The following TMEM74 variants were observed in gnomAD, a reference collection of about 807,000 sequenced individuals.
TMEM74 encodes transmembrane protein 74.
In TMEM74, 13 loss-of-function variants were observed where a neutral mutation model predicts 18.1. The ratio of observed to expected loss-of-function variants is 0.72; its 90% confidence interval spans 0.47 to 1.14. TMEM74 has a LOEUF of 1.14. Ranked by LOEUF, TMEM74 falls within the 50% of genes most tolerant of loss-of-function variation. The probability of loss-of-function intolerance (pLI) is 0.00; values close to 1 mark genes in which losing one functional copy is unlikely to be tolerated. For missense variants in TMEM74, 372 were observed against 375.9 expected (o/e 0.99, Z 0.09); for synonymous variants, 159 against 146.6 (o/e 1.08, Z -0.61).
intron 1 of TMEM74, among the ~76,000 whole-genome samples, chr8:108,671,764 G>T (rs1330299937): frequency 6.6e-6 from 1 of 151,908 alleles, no homozygotes; most frequent in Admixed American, 6.6e-5. Flanking sequence ...AACAAACTAT[G>T]ATTGAAAAAA....
intron 1 of TMEM74, among the ~76,000 whole-genome samples, chr8:108,730,912 G>A (rs770994533): frequency 1.3e-4 from 20 of 152,110 alleles, no homozygotes; most frequent in South Asian, 2.1e-4. Context: ...TTACAGGCGT[G>A]AGCCACCGCG....
At chr8:108,668,715 A>G (rs1812973460) in intron 1 of TMEM74, among the ~76,000 whole-genome samples, 1 of 152,200 alleles carries the variant, frequency 6.6e-6, no homozygotes, top group Non-Finnish European at 1.5e-5. Flanking sequence ...TGTTATGTTA[A>G]CAGCACCTGA....
intron 2 of TMEM74, among the ~76,000 whole-genome samples, chr8:108,633,099 G>T (rs1812572951): frequency 6.6e-6 from 1 of 151,842 alleles, no homozygotes; most frequent in Admixed American, 6.6e-5. Flanking sequence ...CTCAAGCCTT[G>T]GTTGTTTCTG....
At chr8:108,710,023 A>G (rs73307850) in intron 1 of TMEM74, among the ~76,000 whole-genome samples, 1,570 of 152,318 alleles carry the variant, frequency 0.01, 21 homozygotes, top group African/African-American at 0.035. Flanking sequence ...GGAAAATTAC[A>G]TAATTGCTCT....
intron 1 of TMEM74, among the ~76,000 whole-genome samples, chr8:108,715,829 G>C (rs1813518023): frequency 6.6e-6 from 1 of 151,918 alleles, no homozygotes; most frequent in African/African-American, 2.4e-5. Context: ...TATATAGATA[G>C]CTTAAAAATA....
At chr8:108,777,465 T>C (rs1370329716), downstream of TMEM74, among the ~76,000 whole-genome samples, 1 of 152,146 alleles carries the variant, frequency 6.6e-6, no homozygotes, top group East Asian at 1.9e-4. Context: ...TGGCTGTGAG[T>C]TGATAGTTTT....
downstream of TMEM74, among the ~76,000 whole-genome samples, chr8:108,775,175 T>G (rs1814215574): frequency 6.6e-6 from 1 of 152,216 alleles, no homozygotes; most frequent in Non-Finnish European, 1.5e-5. Flanking sequence ...AGTCAGGCAT[T>G]GTGCTGTATT....
chr8:108,782,114 C>T lies in TMEM74; in HGVS notation c.*2067G>A, dbSNP rs12681286. Among the ~76,000 whole-genome samples, 11,632 of 151,990 alleles carry T rather than the reference C, an allele frequency of 0.077. 645 individuals carry two copies. Among genetic ancestry groups the T allele is most frequent in the African/African-American group, 0.15 (6,293 of 41,414 alleles). ...AATGCCTTCTTTTTTTAACACACAG[C>T]TCAGACCTACTCACTCAGCAGATCG... On this transcript the variant is annotated 3_prime_UTR_variant, in exon 2 of 2. Coordinates refer to ENST00000297459, the MANE Select transcript of TMEM74 (RefSeq NM_153015.3).
downstream of TMEM74, among the ~76,000 whole-genome samples, chr8:108,776,790 G>A (rs1814239065): frequency 6.6e-6 from 1 of 151,906 alleles, no homozygotes; most frequent in South Asian, 2.1e-4. Context: ...GAAAGAGGGA[G>A]TGGGGAAAAG....
At position 108,744,014 on chromosome 8, in the gene TMEM74, T is replaced by C. The variant is rs577768633; in HGVS notation, n.119+43462A>G. On this transcript the variant is annotated intron_variant and non_coding_transcript_variant, in intron 1 of 3. Transcript: ENST00000518838. ...TATTTTCTTAGCTGAAGCAAGAGAA[T>C]AAAAGAAGGAGGTGGGCAATGTTTA... Among the ~76,000 whole-genome samples the C allele has an allele frequency of 3.1e-3, 449 of 143,678 alleles. 1 individual carries two copies. The highest frequency in any genetic ancestry group is 9.9e-3 in the African/African-American group (393 of 39,734). 94.3% of individuals were successfully genotyped at this position (143,678 alleles called of 152,430 possible). A position where few individuals can be genotyped will look rare whatever the true frequency, so the allele number is the denominator to read the frequency against.
intron 1 of TMEM74, among the ~76,000 whole-genome samples, chr8:108,696,533 C>T (rs556811068): frequency 2.0e-5 from 3 of 152,242 alleles, no homozygotes; most frequent in East Asian, 1.9e-4. Context: ...CACCATGGTG[C>T]GGCATAAAAT....
At chr8:108,690,196 A>T (rs1813211380) in intron 1 of TMEM74, among the ~76,000 whole-genome samples, 2 of 152,252 alleles carry the variant, frequency 1.3e-5, no homozygotes, top group South Asian at 4.2e-4. Flanking sequence ...CTTAATTGAA[A>T]TTCATCAGTT....
intron 1 of TMEM74, among the ~76,000 whole-genome samples, chr8:108,688,196 C>T (rs1285086471): frequency 6.6e-6 from 1 of 152,156 alleles, no homozygotes; most frequent in Non-Finnish European, 1.5e-5. Flanking sequence ...AAGTATTCAT[C>T]AGTATTTAAC....
At chr8:108,644,238 A>G (rs1028518512) in intron 2 of TMEM74, among the ~76,000 whole-genome samples, 4 of 152,320 alleles carry the variant, frequency 2.6e-5, no homozygotes, top group African/African-American at 7.2e-5. Flanking sequence ...GGTCGACAAA[A>G]ACAAGCAATG....
chr8:108,691,597 A>G (rs1813231522), intron 1 of TMEM74, among the ~76,000 whole-genome samples: 1 of 152,234 alleles, frequency 6.6e-6, no homozygotes, highest in Non-Finnish European at 1.5e-5. Context: ...AATGAAGTCT[A>G]CTGAGAGTGA....
chr8:108,744,786 T>A (rs1325285391), intron 1 of TMEM74, among the ~76,000 whole-genome samples: 1 of 152,166 alleles, frequency 6.6e-6, no homozygotes, highest in Non-Finnish European at 1.5e-5. Flanking sequence ...ATGCCCTTGT[T>A]TATGGGAGTA....
chr8:108,734,300 G>A (rs566918750), intron 1 of TMEM74, among the ~76,000 whole-genome samples: 12 of 152,134 alleles, frequency 7.9e-5, no homozygotes, highest in Non-Finnish European at 1.2e-4. Context: ...CATCCTTGGA[G>A]TGAGAGTCCC....
At chr8:108,690,565 C>T (rs1250869163) in intron 1 of TMEM74, among the ~76,000 whole-genome samples, 1 of 151,874 alleles carries the variant, frequency 6.6e-6, no homozygotes, top group Admixed American at 6.6e-5. Flanking sequence ...CCTGTAATCC[C>T]AGCACTTTGG....
At chr8:108,631,993 G>A (rs778827977) in intron 2 of TMEM74, among the ~76,000 whole-genome samples, 3 of 152,082 alleles carry the variant, frequency 2.0e-5, no homozygotes, top group Admixed American at 6.6e-5. Flanking sequence ...TTCAACCCAG[G>A]TAAGATTTTG....
Sources: allele counts gnomAD v4.1 joint callset (sites outside exome capture counted in the v4.1 genomes callset), GRCh38; gene constraint gnomAD v4.1.1; transcripts MANE v1.5; gene names NCBI Gene and HGNC (gene_info 2026-07-23, HGNC 2026-07-21).